Variants in IRX4 observed in about 807,000 individuals in gnomAD.
The protein encoded by IRX4 is iroquois homeobox 4, also known as iroquois-class homeodomain protein IRX-4.
In IRX4, 22 loss-of-function variants were observed where a neutral mutation model predicts 32.0. That is an observed-to-expected ratio of 0.69 (90% CI 0.49 to 0.98). The LOEUF is 0.98. Ranked by LOEUF, IRX4 falls within the 50% of genes least tolerant of loss-of-function variation. The pLI is 0.00. For missense variants in IRX4, 840 were observed against 744.2 expected, an observed-to-expected ratio of 1.13 and a Z score of -1.50; for synonymous variants, 379 against 351.7, an observed-to-expected ratio of 1.08 and a Z score of -0.87.
Position 1,878,320 on chromosome 5 carries a change from A to T in IRX4, c.1209T>A (p.Pro403=). 6.4e-7 allele frequency: 1 copy of T among 1,563,850 alleles called. No individual in the cohort carries two copies. Among genetic ancestry groups the T allele is most frequent in the Non-Finnish European group, 8.7e-7 (1 of 1,155,420 alleles). ...TGGCGGGCGCGGAGGACACAGCCGC[A>T]GGGGCCGCGGGACCTTGGCGCTTGA... ...CMLKRQGPAA[P]AAVSSAPATS... Residue 403 remains proline, a synonymous_variant, in exon 5 of 5, where the codon CCT becomes CCA. Coordinates refer to ENST00000231357, the MANE Select transcript of IRX4 (RefSeq NM_016358.3).
At chr5:1,881,389 A>G (rs1447220418) in intron 2 of IRX4, among the ~76,000 whole-genome samples, 1 of 136,852 alleles carries the variant, frequency 7.3e-6, no homozygotes. Context: ...AGCAGGGGAG[A>G]GGGAGGAAGA....
At chr5:1,885,689 C>G (rs748690496), upstream of IRX4, among the ~76,000 whole-genome samples, 21 of 152,220 alleles carry the variant, frequency 1.4e-4, no homozygotes, top group Non-Finnish European at 2.4e-4. Flanking sequence ...CTCACTGAAA[C>G]CCTGTAGCCT....
rs756905103 is a variant in IRX4 at position 1,877,665 on chromosome 5, CA to C, written c.*303del. The stretch of plus-strand genomic sequence containing the variant: ...CGCTTCAGAACGGAACCGCCTTCTC[CA>C]TGTAAACTTTTGACGTAAACTTTAT... On this transcript the variant is annotated 3_prime_UTR_variant, in exon 5 of 5. Transcript: ENST00000231357. The C allele has an allele frequency of 1.5e-4, 59 of 404,608 alleles. No homozygotes were observed. Among genetic ancestry groups the C allele is most frequent in the Non-Finnish European group, 2.4e-4 (54 of 228,700 alleles). 25.1% of individuals were successfully genotyped at this position (404,608 alleles called of 1,614,324 possible). A position where few individuals can be genotyped will look rare whatever the true frequency, so the allele number is the denominator to read the frequency against.
chr5:1,881,776 G>A lies in IRX4; in HGVS notation c.297+32C>T, dbSNP rs1216403944. On this transcript the variant is annotated intron_variant, in intron 2 of 4. Coordinates refer to ENST00000231357, the MANE Select transcript of IRX4 (RefSeq NM_016358.3). ...TGGGCTTGGCAAATCGAGGGCCAGG[G>A]GCAGGGCAAGGGCTAGGGATGCCCC... is the stretch of plus-strand genomic sequence containing the variant. 6.4e-6 allele frequency: 10 copies of A among 1,562,568 alleles called. No individual in the cohort carries two copies. The East Asian group carries it at 2.2e-4, about 34-fold the overall frequency.
At position 1,881,903 on chromosome 5, in the gene IRX4, C is replaced by G. The variant is rs1422237674; in HGVS notation, c.202G>C (p.Ala68Pro). 1 of 1,584,704 alleles carries G rather than the reference C, an allele frequency of 6.3e-7. No homozygotes were observed. The highest frequency in any genetic ancestry group is 8.6e-7 in the Non-Finnish European group (1 of 1,166,372). ...ATARHELNSAAALGVYGGPYG... is the reference protein window; with the variant it reads ...ATARHELNSAPALGVYGGPYG... Reference sequence around the variant, plus strand: ...GGACCCCCATAGACGCCCAGCGCCGCGGCCGAGTTGAGCTCGTGGCGCGCG... The same window carrying G: ...GGACCCCCATAGACGCCCAGCGCCGGGGCCGAGTTGAGCTCGTGGCGCGCG... The change falls in exon 2 of 5, where the codon GCG (alanine) becomes CCG (proline). Residue 68 changes from alanine to proline, a missense_variant. Transcript: ENST00000231357.
chr5:1,880,197 G>T (rs952432057), intron 3 of IRX4: 1 of 1,407,570 alleles, frequency 7.1e-7, no homozygotes. Flanking sequence ...GATGTAACAC[G>T]TGTGGCAGGA....
At chr5:1,881,056 CCGGTGGGG>C in intron 2 of IRX4, 1 of 253,144 alleles carries the variant, frequency 4.0e-6, no homozygotes, top group Non-Finnish European at 6.5e-6. Flanking sequence ...GGAGCGCGGG[CCGGTGGGG>C]GGGGGCGGGG....
chr5:1,884,877 G>T (rs533933444), upstream of IRX4, among the ~76,000 whole-genome samples: 3 of 148,898 alleles, frequency 2.0e-5, no homozygotes, highest in South Asian at 6.3e-4. Flanking sequence ...CAGTTTTCTG[G>T]TTTTTCCCGA....
chr5:1,883,690 A>C (rs1269483357), upstream of IRX4, among the ~76,000 whole-genome samples: 1 of 151,848 alleles, frequency 6.6e-6, no homozygotes, highest in Non-Finnish European at 1.5e-5. Context: ...CATCTTCTCC[A>C]CCGCGGTCTT....
chr5:1,883,694 C>T (rs1337373997), upstream of IRX4, among the ~76,000 whole-genome samples: 14 of 152,336 alleles, frequency 9.2e-5, no homozygotes, highest in Admixed American at 3.3e-4. Context: ...TTCTCCACCG[C>T]GGTCTTTTAA....
chr5:1,878,984 G>A (rs1735324408), intron 4 of IRX4, among the ~76,000 whole-genome samples, 192 bp from the exon 5 acceptor site: 1 of 147,580 alleles, frequency 6.8e-6, no homozygotes, highest in Non-Finnish European at 1.5e-5. Context: ...AATGGGGGAG[G>A]GGGGTGTCTA....
In IRX4 at chr5:1,880,805, T is replaced by C. The variant is rs1434024654; in HGVS notation, c.327A>G (p.Gly109=). The C allele has an allele frequency of 5.0e-6, 8 of 1,613,506 alleles. No homozygotes were observed. The highest frequency in any genetic ancestry group is 6.8e-6 in the Non-Finnish European group (8 of 1,179,978). The change falls in exon 3 of 5, where the codon GGA becomes GGG. Residue 109 remains glycine, a synonymous_variant. Coordinates refer to ENST00000231357, the MANE Select transcript of IRX4 (RefSeq NM_016358.3). ...LNSFDSKDGS[G]SAHGGLAPAA... ...CTGGTGCCAGGCCCCCATGCGCAGA[T>C]CCCGAACCATCCTTGGAATCAAAGC...
chr5:1,878,394 C>CGGCGGCGGT lies in IRX4; in HGVS notation c.1126_1134dup (p.Thr376_Ala378dup). On this transcript the variant is annotated inframe_insertion, in exon 5 of 5. Transcript: ENST00000231357. ...TGGCTCAGGGAGGTGGCGGCGGCGG[C>CGGCGGCGGT]GGCGGCGGTGGCTGTGTGGGCCAGG... is the stretch of plus-strand genomic sequence containing the variant. 2 of 1,527,168 alleles carry CGGCGGCGGT rather than the reference C, an allele frequency of 1.3e-6. No homozygotes were observed. The highest frequency in any genetic ancestry group is 1.8e-6 in the Non-Finnish European group (2 of 1,140,994). The allele number at this position is 1,527,168 out of a possible 1,614,324, so 94.6% of individuals were successfully genotyped here. A position where few individuals can be genotyped will look rare whatever the true frequency, so the allele number is the denominator to read the frequency against.
intron 2 of IRX4, among the ~76,000 whole-genome samples, chr5:1,881,537 C>A (rs571685972): frequency 6.1e-4 from 92 of 151,710 alleles, no homozygotes; most frequent in African/African-American, 1.9e-3. Flanking sequence ...AAGCGGGAAA[C>A]ACACGCAGAC....
intron 4 of IRX4, among the ~76,000 whole-genome samples, chr5:1,879,040 G>T (rs1009538098): frequency 1.7e-4 from 26 of 150,908 alleles, no homozygotes; most frequent in African/African-American, 6.1e-4. Context: ...CGCCCAGGCT[G>T]GAGTGCAGTG....
rs1735284255 is a variant in IRX4 at position 1,878,349 on chromosome 5, T to C, written c.1180A>G (p.Met394Val). 5.8e-6 allele frequency: 9 copies of C among 1,542,752 alleles called. No individual in the cohort carries two copies. The highest frequency in any genetic ancestry group is 6.1e-6 in the Non-Finnish European group (7 of 1,146,130). Residue 394 changes from methionine (M) to valine (V), a missense_variant, in exon 5 of 5, where the codon ATG becomes GTG. By Grantham distance (21) the Met-to-Val change is conservative. This residue lies in a region of IRX4 where 585 missense variants were observed against 488.0 expected (regional missense o/e 1.20). Transcript: ENST00000231357. ...GCCGCGGGACCTTGGCGCTTGAGCA[T>C]GCACGACGGAAACTCAGTCTGGCTC... The part of the protein sequence containing the change: ...SLSQTEFPSC[M>V]LKRQGPAAPA...
rs1420610512 is a variant in IRX4, at chr5:1,878,546, C to T, written c.983G>A (p.Arg328His). ...EDLERARSCL[R>H]SAAAGPEPLP... ...TGGCTCCGGCCCGGCCGCCGCGCTG[C>T]GGAGACAGCTCCGGGCCCTCTCCAG... The change falls in exon 5 of 5, where the codon CGC (arginine) becomes CAC (histidine). Residue 328 changes from arginine (R) to histidine (H), a missense_variant. Arg to His is a conservative substitution (Grantham distance 29, BLOSUM62 0). Around this residue, in one of 3 missense-constraint regions of IRX4, gnomAD observed 585 missense variants for 488.0 expected, o/e 1.20. Transcript: ENST00000231357. 6.7e-6 allele frequency: 10 copies of T among 1,497,846 alleles called. No individual in the cohort carries two copies. The East Asian group carries it at 1.8e-4, about 27-fold the overall frequency. 92.8% of individuals were successfully genotyped at this position (1,497,846 alleles called of 1,614,324 possible).
In IRX4 at chr5:1,882,562, C is replaced by G. The variant is rs868851647; in HGVS notation, c.45+41G>C. On this transcript the variant is annotated intron_variant, in intron 1 of 4. Coordinates refer to ENST00000231357, the MANE Select transcript of IRX4 (RefSeq NM_016358.3). The stretch of plus-strand genomic sequence containing the variant: ...CCCGTCCCCGCCCCATCCGCCCTAC[C>G]GGCACCTGCGGTGGCCTGGGCGGGG... 34 of 1,492,556 alleles carry G rather than the reference C, an allele frequency of 2.3e-5. 1 individual carries two copies. The African/African-American group carries it at 3.1e-4, about 13-fold the overall frequency. The allele number at this position is 1,492,556 out of a possible 1,614,324, so 92.5% of individuals were successfully genotyped here.
chr5:1,883,367 G>A (rs1176169424), upstream of IRX4, among the ~76,000 whole-genome samples: 2 of 152,194 alleles, frequency 1.3e-5, no homozygotes, highest in South Asian at 2.1e-4. Flanking sequence ...GCCTCGCGCT[G>A]GCGCGCTCTG....
Sources: gnomAD v4.1 joint callset for allele counts (sites outside exome capture counted in the v4.1 genomes callset) on GRCh38, gnomAD v4.1.1 for gene constraint, gnomAD v4.1.1 regional missense constraint, MANE v1.5 for transcripts, NCBI Gene and HGNC (gene_info 2026-07-23, HGNC 2026-07-21) for gene names.